The following ULK4 variants were observed in gnomAD, a reference collection of about 807,000 sequenced individuals.
ULK4 encodes unc-51 like kinase 4.
Under a neutral mutation model 160.6 loss-of-function variants are expected in ULK4, and 133 were observed. The ratio of observed to expected loss-of-function variants is 0.83; its 90% CI spans 0.72 to 0.96. The LOEUF is 0.96. Ranked by LOEUF, ULK4 falls within the 40% of genes least tolerant of loss-of-function variation. The pLI, the probability that ULK4 is intolerant of heterozygous loss-of-function variation, is 0.00. For synonymous variants in ULK4, 534 were observed against 539.8 expected (o/e 0.99, Z 0.15); for missense variants, 1,580 against 1,499.5 (o/e 1.05, Z -0.89).
chr3:41,249,433 G>A, intron 36 of ULK4, 56 bp downstream of exon 36: 1 of 1,516,324 alleles, frequency 6.6e-7, no homozygotes. Context: ...GAAAGGAATG[G>A]CTGAGAGTGT....
chr3:41,452,408 G>GTATC (rs1461661098), intron 34 of ULK4, among the ~76,000 whole-genome samples: 2 of 152,150 alleles, frequency 1.3e-5, no homozygotes, highest in Non-Finnish European at 2.9e-5. Context: ...GGAGATGGGA[G>GTATC]TATCTACTCT....
intron 32 of ULK4, among the ~76,000 whole-genome samples, chr3:41,541,288 C>T (rs1403371497): frequency 3.9e-5 from 6 of 152,144 alleles, no homozygotes; most frequent in Non-Finnish European, 8.8e-5. Flanking sequence ...GTAGGGAATC[C>T]TTTCCCCATT....
intron 34 of ULK4, among the ~76,000 whole-genome samples, chr3:41,414,299 C>T (rs2082477997): frequency 6.6e-6 from 1 of 152,162 alleles, no homozygotes; most frequent in Non-Finnish European, 1.5e-5. Context: ...TCTTATTAGC[C>T]ACCTCAAATG....
chr3:41,856,566 T>TAA (rs1559611130), intron 17 of ULK4, among the ~76,000 whole-genome samples: 1 of 111,898 alleles, frequency 8.9e-6, no homozygotes, highest in South Asian at 2.8e-4. Flanking sequence ...TATATACACA[T>TAA]ATATATATGT....
intron 21 of ULK4, among the ~76,000 whole-genome samples, chr3:41,782,374 G>C (rs147743712): frequency 6.6e-6 from 1 of 152,042 alleles, no homozygotes; most frequent in Admixed American, 6.6e-5. Context: ...GCATTATTTT[G>C]TAAGTGGCAT....
chr3:41,622,193 G>A (rs2033276309), intron 30 of ULK4, among the ~76,000 whole-genome samples: 1 of 152,176 alleles, frequency 6.6e-6, no homozygotes, highest in Admixed American at 6.5e-5. Flanking sequence ...CATTGAGAAA[G>A]ACAGTGTGGC....
intron 31 of ULK4, among the ~76,000 whole-genome samples, chr3:41,613,486 T>C (rs1428987085): frequency 6.7e-6 from 1 of 150,362 alleles, no homozygotes; most frequent in Non-Finnish European, 1.5e-5. Context: ...ATTTGGAAAG[T>C]ATATCTCAGT....
At chr3:41,928,350 A>C (rs770983650) in intron 5 of ULK4, among the ~76,000 whole-genome samples, 4 of 152,244 alleles carry the variant, frequency 2.6e-5, no homozygotes, top group Admixed American at 6.5e-5. Context: ...CTGCTAAAGC[A>C]GTGTGTAGAG....
intron 32 of ULK4, among the ~76,000 whole-genome samples, chr3:41,564,432 C>T (rs560965613): frequency 7.0e-5 from 10 of 143,024 alleles, no homozygotes; most frequent in African/African-American, 1.3e-4. Context: ...CAGACAGGGA[C>T]GTTTCTTCTT....
intron 21 of ULK4, among the ~76,000 whole-genome samples, chr3:41,762,228 C>T (rs956359349): frequency 1.3e-5 from 2 of 152,010 alleles, no homozygotes; most frequent in African/African-American, 4.8e-5. Context: ...AATACTAGAT[C>T]TTATTCATTC....
intron 2 of ULK4, among the ~76,000 whole-genome samples, chr3:41,947,643 A>G (rs1239020145): frequency 6.6e-6 from 1 of 152,210 alleles, no homozygotes; most frequent in Non-Finnish European, 1.5e-5. Flanking sequence ...AGATATACTC[A>G]ATAAATGGTA....
chr3:41,707,865 G>A (rs77473848), intron 25 of ULK4, among the ~76,000 whole-genome samples: 5,212 of 151,414 alleles, frequency 0.034, 227 homozygotes, highest in East Asian at 0.23. Context: ...GGATTGAATA[G>A]ACATTACTCG....
intron 5 of ULK4, among the ~76,000 whole-genome samples, chr3:41,926,029 C>T (rs73069277): frequency 0.12 from 18,770 of 152,012 alleles, 1,361 homozygotes; most frequent in Middle Eastern, 0.27. Context: ...TCAAGTGGGT[C>T]CCTGACCCCT....
At chr3:41,623,311 C>T (rs948615292) in intron 30 of ULK4, among the ~76,000 whole-genome samples, 7 of 152,106 alleles carry the variant, frequency 4.6e-5, no homozygotes, top group African/African-American at 1.7e-4. Flanking sequence ...AAAAAGATCA[C>T]AGTGTTTACA....
intron 5 of ULK4, among the ~76,000 whole-genome samples, chr3:41,930,038 T>C (rs956452985): frequency 6.6e-6 from 1 of 152,172 alleles, no homozygotes; most frequent in African/African-American, 2.4e-5. Context: ...AAGACTATCC[T>C]AAGCAAAAAG....
chr3:41,438,530 A>G (rs747289249), intron 34 of ULK4, among the ~76,000 whole-genome samples: 6 of 152,186 alleles, frequency 3.9e-5, no homozygotes, highest in Non-Finnish European at 7.3e-5. Context: ...AATGGAACAA[A>G]CATACACAGC....
At chr3:41,598,183 C>T (rs965441170) in intron 31 of ULK4, among the ~76,000 whole-genome samples, 1 of 152,162 alleles carries the variant, frequency 6.6e-6, no homozygotes, top group African/African-American at 2.4e-5. Context: ...TCCCAATCAG[C>T]CACCAGACGG....
At chr3:41,643,658 T>C (rs1446418421) in intron 30 of ULK4, among the ~76,000 whole-genome samples, 3 of 152,134 alleles carry the variant, frequency 2.0e-5, no homozygotes, top group Non-Finnish European at 2.9e-5. Context: ...TGGCTTAGGA[T>C]TGACTCGGTG....
At chr3:41,504,200 C>T (rs1347976958) in intron 32 of ULK4, among the ~76,000 whole-genome samples, 1 of 152,122 alleles carries the variant, frequency 6.6e-6, no homozygotes, top group African/African-American at 2.4e-5. Context: ...CTTCCCCAAT[C>T]ACCTTGCTTA....
Sources: gnomAD v4.1 joint callset for allele counts (sites outside exome capture counted in the v4.1 genomes callset) on GRCh38, gnomAD v4.1.1 for gene constraint, MANE v1.5 for transcripts, NCBI Gene and HGNC (gene_info 2026-07-23, HGNC 2026-07-21) for gene names.